Variants in ATP9B observed in about 807,000 individuals in gnomAD.
ATP9B encodes ATPase phospholipid transporting 9B, also known as probable phospholipid-transporting ATPase IIB.
ATP9B carries 110 observed loss-of-function variants against 146.1 expected under a neutral mutation model. The ratio of observed to expected loss-of-function variants is 0.75; its 90% CI spans 0.65 to 0.88. ATP9B has a LOEUF of 0.88. ATP9B is among the 40% of genes least tolerant of loss of function. ATP9B has a pLI of 0.00. For missense variants in ATP9B, 1,499 were observed against 1,496.4 expected, an observed-to-expected ratio of 1.00 and a Z score of -0.03; for synonymous variants, 604 against 569.7, an observed-to-expected ratio of 1.06 and a Z score of -0.86.
rs1467544897 is a variant in ATP9B, at chr18:79,209,797, A to G, written c.1030+2785A>G. On this transcript the variant is annotated intron_variant, in intron 10 of 29. Coordinates refer to ENST00000426216, the MANE Select transcript of ATP9B (RefSeq NM_198531.5). ...ATTTCAGCTCTTTTAGTACATACATATCTTTATTTAAAAGCCTTGTTAATG... is the reference window on the plus strand; with the variant it reads ...ATTTCAGCTCTTTTAGTACATACATGTCTTTATTTAAAAGCCTTGTTAATG... 2.4e-5 allele frequency: 11 copies of G among 463,868 alleles called. No individual in the cohort carries two copies. The South Asian group carries it at 6.5e-4, about 27-fold the overall frequency. The allele number at this position is 463,868 out of a possible 1,614,324, so 28.7% of individuals were successfully genotyped here.
chr18:79,129,195 G>T (rs534551048), intron 5 of ATP9B, among the ~76,000 whole-genome samples: 1 of 152,148 alleles, frequency 6.6e-6, no homozygotes, highest in African/African-American at 2.4e-5. Context: ...TGACAGTCAA[G>T]CCAGATAGTA....
At chr18:79,292,176 C>T (rs555107045) in intron 13 of ATP9B, among the ~76,000 whole-genome samples, 211 of 152,312 alleles carry the variant, frequency 1.4e-3, no homozygotes, top group Middle Eastern at 0.014. Flanking sequence ...TTGCCTACTA[C>T]GACTAATGCT....
intron 17 of ATP9B, among the ~76,000 whole-genome samples, chr18:79,331,160 C>T (rs760907076): frequency 6.6e-6 from 1 of 152,114 alleles, no homozygotes; most frequent in African/African-American, 2.4e-5. Flanking sequence ...TTCCTGTGTG[C>T]GTGTTGCTGT....
At chr18:79,373,194 T>C (rs1401775458) in intron 27 of ATP9B, among the ~76,000 whole-genome samples, 1 of 152,212 alleles carries the variant, frequency 6.6e-6, no homozygotes, top group Non-Finnish European at 1.5e-5. Flanking sequence ...AAAAAGACTT[T>C]GAGAAATCTG....
At chr18:79,139,186 GT>G (rs1390543652) in intron 5 of ATP9B, among the ~76,000 whole-genome samples, 4 of 152,126 alleles carry the variant, frequency 2.6e-5, no homozygotes, top group African/African-American at 9.7e-5. Context: ...GCCTTAATCC[GT>G]TATGACATTG....
At chr18:79,200,785 T>TGGA (rs1345023937) in intron 9 of ATP9B, among the ~76,000 whole-genome samples, 1 of 13,526 alleles carries the variant, frequency 7.4e-5, no homozygotes, top group South Asian at 2.6e-3. Context: ...GCAGAAGTAG[T>TGGA]GGTGGAATTG....
intron 12 of ATP9B, among the ~76,000 whole-genome samples, chr18:79,275,662 C>G (rs1300353560): frequency 6.6e-6 from 1 of 152,280 alleles, no homozygotes; most frequent in African/African-American, 2.4e-5. Context: ...CCAGCCAGCA[C>G]TCCTCGCCAG....
At chr18:79,369,651 G>A (rs2097057968) in intron 26 of ATP9B, among the ~76,000 whole-genome samples, 3 of 152,096 alleles carry the variant, frequency 2.0e-5, no homozygotes, top group Admixed American at 2.0e-4. Context: ...GCATTTTGGA[G>A]TGGCTGGTCC....
intron 13 of ATP9B, among the ~76,000 whole-genome samples, chr18:79,300,423 A>G (rs749041782): frequency 3.3e-5 from 5 of 152,198 alleles, no homozygotes; most frequent in African/African-American, 7.2e-5. Context: ...TAAGGTATCC[A>G]TAGGGAGAGG....
At chr18:79,079,794 T>A (rs1378926469) in intron 1 of ATP9B, among the ~76,000 whole-genome samples, 1 of 152,214 alleles carries the variant, frequency 6.6e-6, no homozygotes, top group African/African-American at 2.4e-5. Flanking sequence ...TACGTTTACG[T>A]CTTTAAGCCA....
In ATP9B at chr18:79,231,241, T is replaced by C. The variant is rs2095788661; in HGVS notation, c.1107+17203T>C. On this transcript the variant is annotated intron_variant, in intron 11 of 29. Coordinates refer to ENST00000426216, the MANE Select transcript of ATP9B (RefSeq NM_198531.5). Reference sequence around the variant, plus strand: ...AGAGTGGAAGAAAATCTTCACAACCTATACATCTGACAAAGGACTAATATT... The same window carrying C: ...AGAGTGGAAGAAAATCTTCACAACCCATACATCTGACAAAGGACTAATATT... Among the ~76,000 whole-genome samples, 3 of 151,828 alleles carry C rather than the reference T, an allele frequency of 2.0e-5. No individual in the cohort carries two copies. In the South Asian group the frequency reaches 6.2e-4, roughly 32 times the overall value.
At chr18:79,267,566 A>G (rs1037714466) in intron 12 of ATP9B, among the ~76,000 whole-genome samples, 1 of 152,074 alleles carries the variant, frequency 6.6e-6, no homozygotes, top group Non-Finnish European at 1.5e-5. Flanking sequence ...TGTTATTGTT[A>G]AGTACAGAAT....
rs573791657 is a variant in ATP9B, at chr18:79,255,537, G to A, written c.1268+1996G>A. On this transcript the variant is annotated intron_variant, in intron 12 of 29. Coordinates refer to ENST00000426216, the MANE Select transcript of ATP9B (RefSeq NM_198531.5). ...TGTGAGAAGATAGGTTAGCCATCAA[G>A]TGAAGGAGGAGATAAGACATTTCAC... Among the ~76,000 whole-genome samples the A allele has an allele frequency of 1.3e-4, 20 of 152,338 alleles. No individual in the cohort carries two copies. The South Asian group carries it at 4.1e-3, about 32-fold the overall frequency.
At chr18:79,343,437 T>C (rs1012033847) in intron 20 of ATP9B, among the ~76,000 whole-genome samples, 10 of 152,204 alleles carry the variant, frequency 6.6e-5, no homozygotes, top group Non-Finnish European at 1.3e-4. Flanking sequence ...ACCACTTACA[T>C]TGGTTTCTGA....
chr18:79,129,304 C>T (rs557029298), intron 5 of ATP9B, among the ~76,000 whole-genome samples: 2 of 152,152 alleles, frequency 1.3e-5, no homozygotes, highest in Non-Finnish European at 2.9e-5. Context: ...ATTTTGGAAG[C>T]GACATGCAAG....
At chr18:79,107,637 G>A (rs117120693) in intron 2 of ATP9B, among the ~76,000 whole-genome samples, 4,814 of 152,306 alleles carry the variant, frequency 0.032, 115 homozygotes, top group Non-Finnish European at 0.042. Flanking sequence ...ACTTGCTGGT[G>A]ATTGTCTCCA....
chr18:79,118,390 GTTTTTTTTTT>G (rs752788043), intron 4 of ATP9B, among the ~76,000 whole-genome samples: 1,404 of 93,328 alleles, frequency 0.015, 92 homozygotes, highest in East Asian at 0.15. Flanking sequence ...GAACGTTTTT[GTTTTTTTTTT>G]TTTTTTTTTT....
chr18:79,187,533 A>T (rs1003813698), intron 8 of ATP9B, among the ~76,000 whole-genome samples: 1 of 152,188 alleles, frequency 6.6e-6, no homozygotes, highest in Non-Finnish European at 1.5e-5. Context: ...ACACATCTAC[A>T]GCTCCGAAGT....
At chr18:79,369,598 T>C (rs2097057731) in intron 26 of ATP9B, among the ~76,000 whole-genome samples, 1 of 148,552 alleles carries the variant, frequency 6.7e-6, no homozygotes, top group Non-Finnish European at 1.5e-5. Context: ...GAATAAATTA[T>C]AATAGAGATA....
Sources: allele counts gnomAD v4.1 joint callset (sites outside exome capture counted in the v4.1 genomes callset), GRCh38; gene constraint gnomAD v4.1.1; transcripts MANE v1.5; gene names NCBI Gene and HGNC (gene_info 2026-07-23, HGNC 2026-07-21).